The following AEBP2 variants were observed in gnomAD, a reference collection of about 807,000 sequenced individuals.
AEBP2 encodes AE binding protein 2.
AEBP2 carries 10 observed loss-of-function variants against 50.8 expected under a neutral mutation model. The observed-to-expected ratio is 0.20, with a 90% CI of 0.12 to 0.33. The LOEUF (loss-of-function observed/expected upper bound fraction) is 0.33. AEBP2 is among the 10% of genes least tolerant of loss of function. The pLI is 1.00. For missense variants in AEBP2, 570 were observed against 688.0 expected (o/e 0.83, Z 1.92); for synonymous variants, 296 against 261.3 (o/e 1.13, Z -1.28).
Position 19,512,419 on chromosome 12 carries a change from G to A in AEBP2, c.1321G>A (p.Asp441Asn). The A allele has an allele frequency of 3.2e-6, 5 of 1,575,808 alleles. No individual in the cohort carries two copies. The highest frequency in any genetic ancestry group is 4.3e-6 in the Non-Finnish European group (5 of 1,158,780). ...TCAGGTAATAGCTAAGAGAAAAGAAGATTCTGGGAAGATCAAACTTTTGCT... is the reference window on the plus strand; with the variant it reads ...TCAGGTAATAGCTAAGAGAAAAGAAAATTCTGGGAAGATCAAACTTTTGCT... ...HSTVIAKRKE[D>N]SGKIKLLLHW... Residue 441 changes from aspartate (D) to asparagine (N), a missense_variant, in exon 6 of 8, where the codon GAT becomes AAT. By Grantham distance (23) the Asp-to-Asn change is conservative. Coordinates refer to ENST00000266508, the MANE Select transcript of AEBP2 (RefSeq NM_153207.5).
intron 4 of AEBP2, among the ~76,000 whole-genome samples, chr12:19,497,702 T>C (rs73339359): frequency 0.029 from 4,489 of 152,188 alleles, 67 homozygotes; most frequent in East Asian, 0.044. Flanking sequence ...AAACTCCTGG[T>C]ATCAAGTGAT....
At chr12:19,405,912 C>T (rs1302152478) in intron 1 of AEBP2, among the ~76,000 whole-genome samples, 2 of 151,888 alleles carry the variant, frequency 1.3e-5, no homozygotes, top group African/African-American at 2.4e-5. Context: ...AGTGATTCTC[C>T]TGTGTCAGCC....
intron 5 of AEBP2, among the ~76,000 whole-genome samples, chr12:19,500,868 A>T (rs1207932727): frequency 1.3e-5 from 2 of 152,178 alleles, no homozygotes; most frequent in Admixed American, 6.5e-5. Context: ...TTTTTTGGTT[A>T]ATTAGGAGTT....
intron 1 of AEBP2, among the ~76,000 whole-genome samples, chr12:19,448,436 G>A (rs1296418647): frequency 6.6e-6 from 1 of 151,250 alleles, no homozygotes; most frequent in Non-Finnish European, 1.5e-5. Flanking sequence ...AGTGATCTGA[G>A]ATCGTGCCAT....
intron 1 of AEBP2, chr12:19,456,531 G>GT (rs1465010915): frequency 6.6e-7 from 1 of 1,525,746 alleles, no homozygotes; most frequent in Non-Finnish European, 9.1e-7. Flanking sequence ...CTTGCATGCA[G>GT]TGTGAGCCGT....
chr12:19,499,895 G>A (rs1949040369), intron 4 of AEBP2, among the ~76,000 whole-genome samples: 1 of 152,178 alleles, frequency 6.6e-6, no homozygotes, highest in African/African-American at 2.4e-5. Context: ...CCAAGGGTCA[G>A]AATTAACCCA....
intron 5 of AEBP2, among the ~76,000 whole-genome samples, chr12:19,502,444 T>TA (rs1949095657): frequency 1.3e-5 from 2 of 152,076 alleles, no homozygotes; most frequent in African/African-American, 4.8e-5. Flanking sequence ...TATCTTGAGT[T>TA]AATTTTTTAT....
At chr12:19,485,155 A>T (rs373968842) in intron 3 of AEBP2, among the ~76,000 whole-genome samples, 27 of 152,320 alleles carry the variant, frequency 1.8e-4, no homozygotes, top group African/African-American at 6.0e-4. Context: ...CTGGTTGATG[A>T]TGATGTATAT....
intron 5 of AEBP2, among the ~76,000 whole-genome samples, chr12:19,503,958 A>G (rs1477843221): frequency 6.6e-6 from 1 of 151,876 alleles, no homozygotes; most frequent in Non-Finnish European, 1.5e-5. Flanking sequence ...CAGTCTTCTG[A>G]GTAGCTGGGA....
intron 1 of AEBP2, among the ~76,000 whole-genome samples, chr12:19,453,279 A>T (rs11044571): frequency 0.46 from 69,182 of 151,532 alleles, 16,883 homozygotes; most frequent in Non-Finnish European, 0.57. Context: ...GACTTAACGT[A>T]CTTTCTTAAA....
intron 5 of AEBP2, among the ~76,000 whole-genome samples, chr12:19,509,814 T>G (rs1949206373): frequency 7.2e-6 from 1 of 138,848 alleles, no homozygotes; most frequent in African/African-American, 2.6e-5. Flanking sequence ...GTAACATGGC[T>G]ACTTTCTTTT....
chr12:19,451,719 C>T (rs997398910), intron 1 of AEBP2, among the ~76,000 whole-genome samples: 9 of 149,792 alleles, frequency 6.0e-5, no homozygotes. Context: ...CAAGGTCTCG[C>T]TTGCTGGGTT....
upstream of AEBP2, among the ~76,000 whole-genome samples, chr12:19,439,336 C>G (rs1310664228): frequency 7.6e-6 from 1 of 131,870 alleles, no homozygotes; most frequent in Non-Finnish European, 1.5e-5. Flanking sequence ...CCCGGCAGGG[C>G]GTGGGAAGGC....
intron 1 of AEBP2, among the ~76,000 whole-genome samples, chr12:19,423,398 C>T (rs574404511): frequency 3.9e-5 from 6 of 152,072 alleles, no homozygotes; most frequent in Non-Finnish European, 5.9e-5. Flanking sequence ...GAGTGAAGCT[C>T]CCATACAAGA....
chr12:19,501,142 C>T (rs1949067476), intron 5 of AEBP2, among the ~76,000 whole-genome samples: 1 of 151,890 alleles, frequency 6.6e-6, no homozygotes, highest in Non-Finnish European at 1.5e-5. Flanking sequence ...CCAGCCTGGC[C>T]AACGTGGCAA....
intron 1 of AEBP2, 56 bp from the exon 2 acceptor site, chr12:19,462,454 C>T: frequency 7.4e-7 from 1 of 1,358,070 alleles, no homozygotes; most frequent in Non-Finnish European, 1.0e-6. Flanking sequence ...TTTATAAGAT[C>T]ATATTCATGT....
intron 1 of AEBP2, among the ~76,000 whole-genome samples, chr12:19,414,298 T>G (rs1461224602): frequency 6.6e-6 from 1 of 152,198 alleles, no homozygotes; most frequent in Non-Finnish European, 1.5e-5. Flanking sequence ...CAGCCTCATT[T>G]TACCCAGCTC....
At chr12:19,430,899 TG>T (rs2077736225) in intron 1 of AEBP2, among the ~76,000 whole-genome samples, 1 of 151,822 alleles carries the variant, frequency 6.6e-6, no homozygotes, top group Non-Finnish European at 1.5e-5. Flanking sequence ...GGCGCATTCC[TG>T]TAGTTACAGC....
chr12:19,506,300 A>G (rs1047410300), intron 5 of AEBP2, among the ~76,000 whole-genome samples: 2 of 151,786 alleles, frequency 1.3e-5, no homozygotes, highest in African/African-American at 4.8e-5. Flanking sequence ...GGATTTCGCC[A>G]TGTTGGCCAG....
Sources: gnomAD v4.1 joint callset for allele counts (sites outside exome capture counted in the v4.1 genomes callset) on GRCh38, gnomAD v4.1.1 for gene constraint, MANE v1.5 for transcripts, NCBI Gene and HGNC (gene_info 2026-07-23, HGNC 2026-07-21) for gene names.